Variants in CTNNA1 observed in about 807,000 individuals in gnomAD.
CTNNA1 encodes the protein catenin alpha-1.
Under a neutral mutation model 98.4 loss-of-function variants are expected in CTNNA1, and 37 were observed. The ratio of observed to expected loss-of-function variants is 0.38; its 90% CI spans 0.29 to 0.49. The LOEUF (loss-of-function observed/expected upper bound fraction) is 0.49, where lower values mean the gene tolerates loss of function less well. Ranked by LOEUF, CTNNA1 falls within the 20% of genes least tolerant of loss-of-function variation. The pLI, the probability that CTNNA1 is intolerant of heterozygous loss-of-function variation, is 0.95. For synonymous variants in CTNNA1, 404 were observed against 413.2 expected (o/e 0.98, Z 0.27); for missense variants, 761 against 1,147.2 (o/e 0.66, Z 4.86).
At chr5:138,837,496 C>T (rs1761894646) in intron 7 of CTNNA1, among the ~76,000 whole-genome samples, 1 of 106,822 alleles carries the variant, frequency 9.4e-6, no homozygotes, top group South Asian at 5.0e-4. Flanking sequence ...CCTCCTGCTC[C>T]TTCCCCCTCC....
chr5:138,893,218 A>G (rs1192167452), intron 9 of CTNNA1, among the ~76,000 whole-genome samples: 1 of 152,044 alleles, frequency 6.6e-6, no homozygotes, highest in African/African-American at 2.4e-5. Context: ...GGAGGCTGTC[A>G]TCATTCCGGA....
chr5:138,930,624 TG>T lies in CTNNA1; in HGVS notation c.2163del (p.Met721IlefsTer3). 6.2e-7 allele frequency: 1 copy of T among 1,613,670 alleles called. No individual in the cohort carries two copies. Among genetic ancestry groups the T allele is most frequent in the Non-Finnish European group, 8.5e-7 (1 of 1,179,866 alleles). ...DIIVLAKQMC[M>X]IMMEMTDFTR... Reference sequence around the variant, plus strand: ...ATTGTGCTGGCCAAGCAGATGTGCATGATTATGATGGAGATGACAGACTTTA... The same window carrying T: ...ATTGTGCTGGCCAAGCAGATGTGCATATTATGATGGAGATGACAGACTTTA... On this transcript the variant is annotated frameshift_variant, in exon 15 of 18. Transcript: ENST00000302763. LOFTEE classifies it high-confidence loss of function.
intron 4 of CTNNA1, among the ~76,000 whole-genome samples, chr5:138,811,666 G>C (rs1469884109): frequency 6.6e-6 from 1 of 152,082 alleles, no homozygotes; most frequent in Non-Finnish European, 1.5e-5. Flanking sequence ...CTGCAATCCC[G>C]GCACCTCTGG....
At chr5:138,839,018 G>A (rs1177994361) in intron 7 of CTNNA1, among the ~76,000 whole-genome samples, 1 of 152,100 alleles carries the variant, frequency 6.6e-6, no homozygotes, top group Non-Finnish European at 1.5e-5. Context: ...GAAGTATGTT[G>A]TGTAATTTCC....
chr5:138,852,727 T>C (rs565393069), intron 7 of CTNNA1, among the ~76,000 whole-genome samples: 2 of 151,960 alleles, frequency 1.3e-5, no homozygotes, highest in Non-Finnish European at 2.9e-5. Flanking sequence ...CCTCCTTCCC[T>C]TCTCCTCCCT....
chr5:138,906,849 G>C (rs973212389), intron 10 of CTNNA1, among the ~76,000 whole-genome samples: 2 of 152,138 alleles, frequency 1.3e-5, no homozygotes, highest in Non-Finnish European at 2.9e-5. Flanking sequence ...CTCACAAACT[G>C]CTATGCACAC....
At chr5:138,910,768 C>G (rs1201155624) in intron 10 of CTNNA1, among the ~76,000 whole-genome samples, 1 of 152,008 alleles carries the variant, frequency 6.6e-6, no homozygotes, top group African/African-American at 2.4e-5. Context: ...GGAGAGAGCT[C>G]CAGGCAGAGA....
In CTNNA1 at chr5:138,805,805, C is replaced by G. The variant is rs184754672; in HGVS notation, c.302-4233C>G. On this transcript the variant is annotated intron_variant, in intron 3 of 17. Transcript: ENST00000302763. ...TCTTTATATATTCTGGATACTAGAT[C>G]CTTATAATTTGCAGAAATTTCCTTT... Among the ~76,000 whole-genome samples, 16 of 150,960 alleles carry G rather than the reference C, an allele frequency of 1.1e-4. No individual in the cohort carries two copies. The East Asian group carries it at 2.9e-3, about 27-fold the overall frequency.
chr5:138,814,887 G>C (rs548019898), intron 5 of CTNNA1, among the ~76,000 whole-genome samples: 1 of 152,176 alleles, frequency 6.6e-6, no homozygotes, highest in East Asian at 1.9e-4. Context: ...CCGAGTAGCT[G>C]GGACTATAAG....
chr5:138,827,854 T>A, intron 7 of CTNNA1, 136 bp downstream of exon 7: 1 of 1,042,270 alleles, frequency 9.6e-7, no homozygotes, highest in Non-Finnish European at 1.4e-6. Context: ...TAGGTCAGAT[T>A]TTTAAAGAAA....
Position 138,886,206 on chromosome 5 carries a change from A to T in CTNNA1, c.1063-6A>T, listed in dbSNP as rs1439283481. ...TAAAATGCTCATCTCTTTTCCTTTTATCCAGGCTGGACGTAAAGAAAGAAG... is the reference window on the plus strand; with the variant it reads ...TAAAATGCTCATCTCTTTTCCTTTTTTCCAGGCTGGACGTAAAGAAAGAAG... On this transcript the variant is annotated splice_polypyrimidine_tract_variant and splice_region_variant and intron_variant, in intron 7 of 17. Transcript: ENST00000302763. The T allele has an allele frequency of 1.2e-6, 2 of 1,607,042 alleles. No individual in the cohort carries two copies. Among genetic ancestry groups the T allele is most frequent in the Admixed American group, 1.7e-5 (1 of 58,096 alleles).
At chr5:138,920,045 C>T (rs972842627) in intron 11 of CTNNA1, among the ~76,000 whole-genome samples, 2 of 140,220 alleles carry the variant, frequency 1.4e-5, no homozygotes, top group South Asian at 2.3e-4. Context: ...GGTGGGATCT[C>T]GGCTCACTGC....
intron 3 of CTNNA1, among the ~76,000 whole-genome samples, chr5:138,796,426 C>G (rs1010547483): frequency 6.6e-6 from 1 of 152,110 alleles, no homozygotes; most frequent in Non-Finnish European, 1.5e-5. Flanking sequence ...CACCTGTAGT[C>G]CCAGCTACTG....
In CTNNA1 at chr5:138,874,997, C is replaced by G; in HGVS notation, c.1063-11215C>G. ...TGTAAAAGGCTCTAACATGTAGGAG[C>G]CTTTGACCAGTTTCCTGTTTTCTGT... On this transcript the variant is annotated intron_variant, in intron 7 of 17. Coordinates refer to ENST00000302763, the MANE Select transcript of CTNNA1 (RefSeq NM_001903.5). The surrounding 1 kb of genome is among the most constrained non-coding windows in gnomAD (Gnocchi z 4.1). The G allele has an allele frequency of 7.3e-7, 1 of 1,376,100 alleles. No individual in the cohort carries two copies. Among genetic ancestry groups the G allele is most frequent in the Non-Finnish European group, 1.0e-6 (1 of 977,786 alleles). 85.2% of individuals were successfully genotyped at this position (1,376,100 alleles called of 1,614,324 possible).
intron 3 of CTNNA1, among the ~76,000 whole-genome samples, chr5:138,789,050 G>A (rs73267581): frequency 0.012 from 1,870 of 152,222 alleles, 42 homozygotes; most frequent in African/African-American, 0.037. Flanking sequence ...TAGATTATTC[G>A]TGCACTGAGC....
At chr5:138,852,635 CA>C (rs1763305261) in intron 7 of CTNNA1, among the ~76,000 whole-genome samples, 1 of 151,988 alleles carries the variant, frequency 6.6e-6, no homozygotes, top group Non-Finnish European at 1.5e-5. Context: ...TGTGTAAAGG[CA>C]AAGGTAATCT....
chr5:138,932,402 T>C (rs927126627), intron 16 of CTNNA1, 176 bp from the exon 17 acceptor site: 28 of 1,422,732 alleles, frequency 2.0e-5, no homozygotes, highest in Admixed American at 2.8e-5. Flanking sequence ...CCCGCCTCCA[T>C]CCCCAAGCAG....
intron 3 of CTNNA1, among the ~76,000 whole-genome samples, chr5:138,796,566 G>GTAT (rs373256362): frequency 0.016 from 2,365 of 146,528 alleles, 33 homozygotes; most frequent in African/African-American, 0.031. Context: ...AAAAGTAGTA[G>GTAT]GTATCTGAGA....
intron 7 of CTNNA1, among the ~76,000 whole-genome samples, chr5:138,862,852 G>T (rs557058815): frequency 1.3e-5 from 2 of 152,276 alleles, no homozygotes; most frequent in East Asian, 3.9e-4. Context: ...AGCAGCACAT[G>T]GGTCTAACAT....
Sources: gnomAD v4.1 joint callset for allele counts (sites outside exome capture counted in the v4.1 genomes callset) on GRCh38, gnomAD v4.1.1 for gene constraint, Gnocchi (gnomAD v3.1) non-coding constraint, MANE v1.5 for transcripts, NCBI Gene and HGNC (gene_info 2026-07-23, HGNC 2026-07-21) for gene names.